ERC2: variants seen among roughly 807,000 people sequenced by gnomAD.
The protein encoded by ERC2 is ELKS/RAB6-interacting/CAST family member 2, also known as ERC protein 2.
Under a neutral mutation model 114.8 loss-of-function variants are expected in ERC2, and 42 were observed. The ratio of observed to expected loss-of-function variants is 0.37; its 90% CI spans 0.29 to 0.47. ERC2 has a LOEUF of 0.47. Ranked by LOEUF, ERC2 falls within the 20% of genes least tolerant of loss-of-function variation. The probability of loss-of-function intolerance (pLI) is 0.99; values close to 1 mark genes in which losing one functional copy is unlikely to be tolerated. For missense variants in ERC2, 939 were observed against 1,150.7 expected, an observed-to-expected ratio of 0.82 and a Z score of 2.66; for synonymous variants, 454 against 425.5, an observed-to-expected ratio of 1.07 and a Z score of -0.82.
chr3:55,777,934 T>C (rs1218540066), intron 14 of ERC2, among the ~76,000 whole-genome samples: 2 of 152,226 alleles, frequency 1.3e-5, no homozygotes, highest in African/African-American at 4.8e-5. Flanking sequence ...TTAGGTTTTT[T>C]ATTTTCTAAA....
rs551670121 is a variant in ERC2, at chr3:55,828,457, T to TGGCAGCAGG, written c.2564+59923_2564+59931dup. Among the ~76,000 whole-genome samples the TGGCAGCAGG allele has an allele frequency of 2.9e-3, 371 of 126,304 alleles. 4 individuals are homozygous for TGGCAGCAGG. Among genetic ancestry groups the TGGCAGCAGG allele is most frequent in the South Asian group, 0.027 (116 of 4,336 alleles). 82.9% of individuals were successfully genotyped at this position (126,304 alleles called of 152,430 possible). ...GCTTTGCCTAAAGGCGGAGTGTAGC[T>TGGCAGCAGG]GGCAGCAGGGGCAGCAGGGGCAGCA... On this transcript the variant is annotated intron_variant, in intron 14 of 17. Coordinates refer to ENST00000288221, the MANE Select transcript of ERC2 (RefSeq NM_015576.3).
At chr3:56,145,509 G>T (rs1299711795) in intron 5 of ERC2, among the ~76,000 whole-genome samples, 3 of 152,180 alleles carry the variant, frequency 2.0e-5, no homozygotes, top group Non-Finnish European at 4.4e-5. Context: ...CCAAGATTCA[G>T]CTCTCACAGT....
At chr3:55,727,012 T>G (rs2064964331) in intron 15 of ERC2, among the ~76,000 whole-genome samples, 1 of 152,236 alleles carries the variant, frequency 6.6e-6, no homozygotes, top group Non-Finnish European at 1.5e-5. Context: ...ATCAAGGATG[T>G]GTGTATCACT....
chr3:56,306,810 C>A (rs1326286788), intron 2 of ERC2, among the ~76,000 whole-genome samples: 1 of 152,226 alleles, frequency 6.6e-6, no homozygotes, highest in African/African-American at 2.4e-5. Context: ...AGCCCTATCA[C>A]TTTCAAGCTG....
At chr3:56,337,968 C>G (rs754924056) in intron 2 of ERC2, among the ~76,000 whole-genome samples, 8 of 152,142 alleles carry the variant, frequency 5.3e-5, no homozygotes, top group Non-Finnish European at 1.0e-4. Flanking sequence ...ACAAAAGGGA[C>G]AAATCTCACA....
chr3:56,019,783 A>G lies in ERC2; in HGVS notation c.1642-752T>C, dbSNP rs559196275. Among the ~76,000 whole-genome samples, 939 of 152,310 alleles carry G rather than the reference A, an allele frequency of 6.2e-3. 16 individuals carry two copies. Among genetic ancestry groups the G allele is most frequent in the African/African-American group, 0.022 (902 of 41,558 alleles). ...GGACTTTCTCCTGGGCATTGAGGAC[A>G]TTATCATTCATGTTTTTATTCTCTG... On this transcript the variant is annotated intron_variant, in intron 7 of 17. Transcript: ENST00000288221.
At chr3:56,314,626 A>C (rs933820308) in intron 2 of ERC2, among the ~76,000 whole-genome samples, 4 of 152,182 alleles carry the variant, frequency 2.6e-5, no homozygotes, top group African/African-American at 9.7e-5. Flanking sequence ...AAGCAATAGC[A>C]CATAAAATAG....
chr3:56,130,668 A>T (rs2080150810), intron 6 of ERC2, among the ~76,000 whole-genome samples: 1 of 152,168 alleles, frequency 6.6e-6, no homozygotes, highest in South Asian at 2.1e-4. Flanking sequence ...GCCACAGAAC[A>T]ACCATAAAAA....
At chr3:56,198,855 A>G (rs556101416) in intron 3 of ERC2, among the ~76,000 whole-genome samples, 1 of 152,298 alleles carries the variant, frequency 6.6e-6, no homozygotes, top group South Asian at 2.1e-4. Flanking sequence ...ATACAAGATC[A>G]CAGGCCACCA....
intron 7 of ERC2, among the ~76,000 whole-genome samples, chr3:56,032,913 A>AAGAAAGAAAGAGAGAGAGAGAGAC (rs2074478047): frequency 3.8e-4 from 26 of 68,666 alleles, no homozygotes; most frequent in Non-Finnish European, 5.9e-4. Flanking sequence ...GAAAGAAAGA[A>AAGAAAGAAAGAGAGAGAGAGAGAC]AGAAAGAAAG....
intron 17 of ERC2, among the ~76,000 whole-genome samples, chr3:55,640,742 C>T (rs1403020555): frequency 6.6e-6 from 1 of 152,200 alleles, no homozygotes; most frequent in African/African-American, 2.4e-5. Context: ...AGCTCAGCTA[C>T]CCCTCTAGCC....
chr3:55,767,248 A>G (rs995771399), intron 14 of ERC2, among the ~76,000 whole-genome samples: 1 of 152,134 alleles, frequency 6.6e-6, no homozygotes, highest in African/African-American at 2.4e-5. Flanking sequence ...ATAAAATGTA[A>G]ATTGCTCAGC....
At chr3:56,007,734 G>A (rs2072613316) in intron 9 of ERC2, among the ~76,000 whole-genome samples, 1 of 152,054 alleles carries the variant, frequency 6.6e-6, no homozygotes, top group Non-Finnish European at 1.5e-5. Flanking sequence ...CCGCTCCCAA[G>A]AGCAAGTCAA....
chr3:56,192,395 C>A (rs1409373818), intron 3 of ERC2, among the ~76,000 whole-genome samples: 1 of 152,168 alleles, frequency 6.6e-6, no homozygotes, highest in African/African-American at 2.4e-5. Context: ...TAAAATAACT[C>A]CTGGAAAATA....
chr3:55,714,958 T>C (rs771956227), intron 15 of ERC2, among the ~76,000 whole-genome samples: 1 of 152,100 alleles, frequency 6.6e-6, no homozygotes, highest in East Asian at 1.9e-4. Context: ...GGGAAAAGAC[T>C]CCTGAGACTG....
intron 3 of ERC2, among the ~76,000 whole-genome samples, chr3:56,253,731 A>G (rs1040187177): frequency 2.6e-4 from 40 of 152,268 alleles, no homozygotes; most frequent in Middle Eastern, 3.4e-3. Context: ...GCCTCTCCCT[A>G]TATATGAGAT....
At chr3:55,662,943 G>A (rs1464959147) in intron 17 of ERC2, among the ~76,000 whole-genome samples, 1 of 152,158 alleles carries the variant, frequency 6.6e-6, no homozygotes, top group Non-Finnish European at 1.5e-5. Flanking sequence ...CTAGTTTCTG[G>A]ATGGCTGTGA....
At chr3:56,415,090 A>G (rs1219948066) in intron 2 of ERC2, among the ~76,000 whole-genome samples, 1 of 152,198 alleles carries the variant, frequency 6.6e-6, no homozygotes, top group Non-Finnish European at 1.5e-5. Flanking sequence ...AATCTTAACA[A>G]CTAATTCCCC....
At chr3:55,669,877 G>A (rs1469708440) in intron 17 of ERC2, among the ~76,000 whole-genome samples, 1 of 152,228 alleles carries the variant, frequency 6.6e-6, no homozygotes, top group African/African-American at 2.4e-5. Context: ...GAGACATGGA[G>A]CAAGTAAACT....
Sources: gnomAD v4.1 joint callset for allele counts (sites outside exome capture counted in the v4.1 genomes callset) on GRCh38, gnomAD v4.1.1 for gene constraint, MANE v1.5 for transcripts, NCBI Gene and HGNC (gene_info 2026-07-23, HGNC 2026-07-21) for gene names.